PTP4A1: variants seen among roughly 807,000 people sequenced by gnomAD.
PTP4A1 encodes protein tyrosine phosphatase type IVA 1.
Under a neutral mutation model 20.5 loss-of-function variants are expected in PTP4A1, and 9 were observed. The observed-to-expected ratio is 0.44, with a 90% CI of 0.26 to 0.77. The LOEUF (loss-of-function observed/expected upper bound fraction) is 0.77, where lower values mean the gene tolerates loss of function less well. Among genes scored for constraint, PTP4A1 ranks in the 30% least tolerant of loss-of-function variants. The pLI is 0.19. For missense variants in PTP4A1, 137 were observed against 218.8 expected (o/e 0.63, Z 2.36); for synonymous variants, 78 against 67.4 (o/e 1.16, Z -0.77).
At chr6:63,580,033 A>ATTTTTTTTTT in intron 5 of PTP4A1, 24 bp from the exon 6 acceptor site, 1 of 1,385,474 alleles carries the variant, frequency 7.2e-7, no homozygotes. Flanking sequence ...GCCTTGTTTC[A>ATTTTTTTTTT]TTTTTTTTTT....
chr6:63,540,866 G>T (rs1356264467), intron 2 of PTP4A1, among the ~76,000 whole-genome samples: 2 of 151,494 alleles, frequency 1.3e-5, no homozygotes, highest in Admixed American at 6.6e-5. Context: ...AGCCGGTCTT[G>T]GTGGCGGTCA....
At chr6:63,546,625 A>C (rs1407433528) in intron 2 of PTP4A1, among the ~76,000 whole-genome samples, 1 of 152,116 alleles carries the variant, frequency 6.6e-6, no homozygotes, top group Non-Finnish European at 1.5e-5. Flanking sequence ...ATAAACGCTC[A>C]AACCAGGGAG....
chr6:63,519,649 T>C (rs1442122190), upstream of PTP4A1, among the ~76,000 whole-genome samples: 1 of 152,196 alleles, frequency 6.6e-6, no homozygotes, highest in Non-Finnish European at 1.5e-5. Flanking sequence ...TCAATTGAAT[T>C]AAAAAGTAGG....
intron 2 of PTP4A1, among the ~76,000 whole-genome samples, chr6:63,538,963 G>A (rs1775835930): frequency 5.3e-5 from 8 of 152,128 alleles, no homozygotes. Flanking sequence ...TGCAATCTCA[G>A]CTCACTGTAA....
upstream of PTP4A1, among the ~76,000 whole-genome samples, chr6:63,520,722 T>C (rs2149470660): frequency 6.6e-6 from 1 of 152,252 alleles, no homozygotes; most frequent in Middle Eastern, 3.4e-3. Context: ...TTGTTCACCT[T>C]ATAAATCTGT....
chr6:63,524,021 G>T (rs976968934), intron 1 of PTP4A1, among the ~76,000 whole-genome samples: 1 of 151,256 alleles, frequency 6.6e-6, no homozygotes, highest in African/African-American at 2.4e-5. Flanking sequence ...TTGCTCTGTC[G>T]CCCAGGCTGG....
At position 63,527,430 on chromosome 6, in the gene PTP4A1, A is replaced by G. The variant is rs116249744; in HGVS notation, c.-905-389A>G. On this transcript the variant is annotated intron_variant, in intron 1 of 3. Coordinates refer to the PTP4A1 transcript ENST00000639568. ...AGGACCTAACAAATAGTCATCTACT[A>G]TTTGATGGGTCTTTCCTTTCTCCTC... 7.1e-3 allele frequency among the ~76,000 whole-genome samples: 1,075 copies of G among 152,274 alleles called. 8 individuals are homozygous for G. The highest frequency in any genetic ancestry group is 0.024 in the African/African-American group (1,002 of 41,554).
intron 1 of PTP4A1, among the ~76,000 whole-genome samples, chr6:63,523,350 T>C (rs1775020196): frequency 6.6e-6 from 1 of 151,900 alleles, no homozygotes; most frequent in Non-Finnish European, 1.5e-5. Context: ...CTGGCCAACA[T>C]GGCAAAACCC....
Position 63,562,748 on chromosome 6 carries a change from C to A in PTP4A1, c.-446+12255C>A, listed in dbSNP as rs1777019418. ...GTTCTCTTAATACCTAAATATACAA[C>A]TTTTAGGAGTCCCGCTGCTATATTC... On this transcript the variant is annotated intron_variant, in intron 3 of 3. Coordinates refer to the PTP4A1 transcript ENST00000639568. Among the ~76,000 whole-genome samples, 3 of 152,188 alleles carry A rather than the reference C, an allele frequency of 2.0e-5. No homozygotes were observed. The South Asian group carries it at 6.2e-4, about 31-fold the overall frequency.
chr6:63,579,207 C>T, intron 4 of PTP4A1, 50 bp from the exon 5 acceptor site: 2 of 1,537,230 alleles, frequency 1.3e-6, no homozygotes, highest in South Asian at 1.2e-5. Context: ...AATAAATTTA[C>T]AAAGATCTGA....
Position 63,580,385 on chromosome 6 carries a change from C to G in PTP4A1, c.*211C>G, listed in dbSNP as rs1778151304. On this transcript the variant is annotated 3_prime_UTR_variant, in exon 6 of 6. Coordinates refer to ENST00000626021, the MANE Select transcript of PTP4A1 (RefSeq NM_003463.5). ...TTGGATACTTGGCAAAAGATTCTTG[C>G]TGTCAGCATATAAAATGTGCTTGTC... The G allele has an allele frequency of 4.1e-6, 2 of 492,606 alleles. No individual in the cohort carries two copies. Among genetic ancestry groups the G allele is most frequent in the Non-Finnish European group, 7.3e-6 (2 of 273,124 alleles). 30.5% of individuals were successfully genotyped at this position (492,606 alleles called of 1,614,324 possible). A position where few individuals can be genotyped will look rare whatever the true frequency, so the allele number is the denominator to read the frequency against.
chr6:63,526,490 G>A lies in PTP4A1; in HGVS notation c.-905-1329G>A, dbSNP rs1197903. Among the ~76,000 whole-genome samples the A allele has an allele frequency of 2.2e-4, 33 of 151,044 alleles. No homozygotes were observed. In the Middle Eastern group the frequency reaches 0.01, roughly 47 times the overall value. On this transcript the variant is annotated intron_variant, in intron 1 of 3. Transcript: ENST00000639568. ...GAGGAAGACCACGTATGATAAATCCGCAAGCAGAACAAAAATATTTTTTTA... is the reference window on the plus strand; with the variant it reads ...GAGGAAGACCACGTATGATAAATCCACAAGCAGAACAAAAATATTTTTTTA...
chr6:63,552,220 G>A (rs1193234899), intron 3 of PTP4A1, among the ~76,000 whole-genome samples: 4 of 151,624 alleles, frequency 2.6e-5, no homozygotes, highest in Non-Finnish European at 5.9e-5. Context: ...TCAATGATTG[G>A]CATTCTAACT....
chr6:63,572,755 G>C, intron 1 of PTP4A1, 36 bp downstream of exon 1: 1 of 398,468 alleles, frequency 2.5e-6, no homozygotes, highest in Non-Finnish European at 4.4e-6. Flanking sequence ...CTCGGGCTGG[G>C]AATCCACGAC....
upstream of PTP4A1, among the ~76,000 whole-genome samples, chr6:63,567,823 T>C (rs532533333): frequency 6.6e-6 from 1 of 152,250 alleles, no homozygotes; most frequent in Non-Finnish European, 1.5e-5. Context: ...CCTTCATCAA[T>C]GTTCTTGGCT....
rs574837151 is a variant in PTP4A1, at chr6:63,548,978, C to T, written c.-639-1322C>T. 13 of 737,344 alleles carry T rather than the reference C, an allele frequency of 1.8e-5. No individual in the cohort carries two copies. In the East Asian group the frequency reaches 2.8e-4, roughly 16 times the overall value. 45.7% of individuals were successfully genotyped at this position (737,344 alleles called of 1,614,324 possible). On this transcript the variant is annotated intron_variant, in intron 2 of 3. Transcript: ENST00000639568. ...CCTTGATAATGCAGTAAGGGACCCG[C>T]ATTTTATGACACAGGGCAGGCAAGA...
chr6:63,519,710 A>T (rs1334796674), upstream of PTP4A1, among the ~76,000 whole-genome samples: 2 of 152,360 alleles, frequency 1.3e-5, no homozygotes, highest in East Asian at 3.9e-4. Flanking sequence ...AAAGGTATTA[A>T]GCAATTCATG....
chr6:63,566,111 C>T (rs532971494), intron 3 of PTP4A1, among the ~76,000 whole-genome samples: 132 of 152,352 alleles, frequency 8.7e-4, no homozygotes, highest in Middle Eastern at 3.4e-3. Flanking sequence ...TTTTGTCCCA[C>T]TGAACCCATA....
rs1236154466 is a variant in PTP4A1 at position 63,581,835 on chromosome 6, A to G, written c.*1661A>G. The G allele has an allele frequency of 6.6e-6, 1 of 152,180 alleles. No individual in the cohort carries two copies. The highest frequency in any genetic ancestry group is 2.4e-5 in the African/African-American group (1 of 41,450). The allele number at this position is 152,180 out of a possible 1,614,324, so 9.4% of individuals were successfully genotyped here. A position where few individuals can be genotyped will look rare whatever the true frequency, so the allele number is the denominator to read the frequency against. On this transcript the variant is annotated 3_prime_UTR_variant, in exon 6 of 6. Transcript: ENST00000626021. Reference sequence around the variant, plus strand: ...ATTACATACCTTTATAGATTTTGAAATTAATTTAAATATTAGTATTTGGTA... The same window carrying G: ...ATTACATACCTTTATAGATTTTGAAGTTAATTTAAATATTAGTATTTGGTA...
Sources: allele counts gnomAD v4.1 joint callset (sites outside exome capture counted in the v4.1 genomes callset), GRCh38; gene constraint gnomAD v4.1.1; transcripts MANE v1.5; gene names NCBI Gene and HGNC (gene_info 2026-07-23, HGNC 2026-07-21).